Variants in DQX1 observed in about 807,000 individuals in gnomAD.
DQX1 encodes DEAQ-box RNA dependent ATPase 1.
DQX1 carries 66 observed loss-of-function variants against 81.3 expected under a neutral mutation model. That is an observed-to-expected ratio of 0.81 (90% confidence interval 0.67 to 1.00). The LOEUF (loss-of-function observed/expected upper bound fraction) is 1.00, where lower values mean the gene tolerates loss of function less well. DQX1 is among the 50% of genes least tolerant of loss of function. The pLI is 0.00. For missense variants in DQX1, 798 were observed against 867.9 expected, an observed-to-expected ratio of 0.92 and a Z score of 1.01; for synonymous variants, 290 against 350.0, an observed-to-expected ratio of 0.83 and a Z score of 1.91.
Position 74,519,102 on chromosome 2 carries a change from G to A in DQX1, c.1935C>T (p.Tyr645=). Residue 645 remains tyrosine, a synonymous_variant, in exon 11 of 12, where the codon TAC becomes TAT. Transcript: ENST00000404568. ...TGTCTTTGGATATGGTGAAATTGTG[G>A]TAGAGCACCCATGGTGGGGGTCTGG... ...APARPPPWVL[Y]HNFTISKDNC... The A allele has an allele frequency of 1.2e-6, 2 of 1,609,754 alleles. No individual in the cohort carries two copies. Among genetic ancestry groups the A allele is most frequent in the Admixed American group, 1.7e-5 (1 of 58,676 alleles).
chr2:74,524,864 C>G, intron 3 of DQX1, 145 bp downstream of exon 3: 2 of 1,085,908 alleles, frequency 1.8e-6, no homozygotes, highest in Non-Finnish European at 2.6e-6. Flanking sequence ...GCCTGGGTGA[C>G]AGAGTGAGAC....
At chr2:74,520,067 CATTTGG>C (rs1280247422) in intron 8 of DQX1, 33 bp from the exon 9 acceptor site, 1 of 1,600,284 alleles carries the variant, frequency 6.2e-7, no homozygotes, top group Non-Finnish European at 8.5e-7. Flanking sequence ...TAGAATCTGC[CATTTGG>C]GAAATGGGAA....
chr2:74,519,644 A>G lies in DQX1; in HGVS notation c.1718T>C (p.Ile573Thr), dbSNP rs117622212. The G allele has an allele frequency of 1.4e-4, 229 of 1,614,214 alleles. 2 individuals carry two copies. In the East Asian group the frequency reaches 4.9e-3, roughly 35 times the overall value. Residue 573 changes from isoleucine to threonine, a missense_variant, in exon 10 of 12, where the codon ATT (isoleucine) becomes ACT (threonine). Coordinates refer to ENST00000404568, the MANE Select transcript of DQX1 (RefSeq NM_133637.3). ...GGCTGGTAGGGACAAGGGAAGTTCA[A>G]TTCGTTGCATGAGTTCTAGGAGTTC... is the stretch of plus-strand genomic sequence containing the variant. Reference protein sequence around the residue: ...RGELLELMQRIELPLSLPAFG... With the variant: ...RGELLELMQRTELPLSLPAFG...
At chr2:74,522,810 G>T (rs1675063955) in intron 7 of DQX1, 39 bp from the exon 8 acceptor site, 3 of 1,612,566 alleles carry the variant, frequency 1.9e-6, no homozygotes, top group Non-Finnish European at 2.5e-6. Flanking sequence ...TGAAGTTTCA[G>T]AACTGGGTGG....
At position 74,519,189 on chromosome 2, in the gene DQX1, T is replaced by C. The variant is rs139652335; in HGVS notation, c.1848A>G (p.Leu616=). 6.4e-5 allele frequency: 103 copies of C among 1,598,942 alleles called. No homozygotes were observed. Among genetic ancestry groups the C allele is most frequent in the Non-Finnish European group, 8.7e-5 (102 of 1,172,442 alleles). The change falls in exon 11 of 12, where the codon CTA becomes CTG. Residue 616 remains leucine, a synonymous_variant. Transcript: ENST00000404568. ...DTDGTGNYLL[L]THKHVAQLSS... ...AGAGCTGGGCCACATGCTTATGGGT[T>C]AGGAGAAGGTAATTTCCAGTCCCGT...
At position 74,519,565 on chromosome 2, in the gene DQX1, G is replaced by A. The variant is rs1674971465; in HGVS notation, c.1797C>T (p.Tyr599=). The A allele has an allele frequency of 1.2e-6, 2 of 1,613,996 alleles. No homozygotes were observed. Among genetic ancestry groups the A allele is most frequent in the African/African-American group, 1.3e-5 (1 of 74,924 alleles). Residue 599 remains tyrosine, a synonymous_variant, in exon 10 of 12, where the codon TAC becomes TAT. Transcript: ENST00000404568. ...CACCCTTTCCTCTAACCTTGAGAAA[G>A]TATCCTGACACCAGTGCTTTCTGAA... ...RDLQKALVSG[Y]FLKVARDTDG...
Position 74,521,745 on chromosome 2 carries a change from CT to C in DQX1, c.1495+834del, listed in dbSNP as rs200234764. ...TCTCTTTCCCTCTCCCTCTCTCCCC[CT>C]CTCCCCCTCTTTCCCTCTCCCTCTC... On this transcript the variant is annotated intron_variant, in intron 8 of 11. Transcript: ENST00000404568. 4.5e-4 allele frequency among the ~76,000 whole-genome samples: 60 copies of C among 133,942 alleles called. No homozygotes were observed. In the East Asian group the frequency reaches 0.011, roughly 25 times the overall value. The allele number at this position is 133,942 out of a possible 152,430, so 87.9% of individuals were successfully genotyped here.
chr2:74,519,349 A>C, intron 10 of DQX1, 119 bp from the exon 11 acceptor site: 1 of 1,291,858 alleles, frequency 7.7e-7, no homozygotes, highest in South Asian at 1.5e-5. Flanking sequence ...GTAAAGCATT[A>C]CCTCTAGGTG....
chr2:74,521,023 T>C lies in DQX1; in HGVS notation c.1496-989A>G, dbSNP rs116988939. On this transcript the variant is annotated intron_variant, in intron 8 of 11. Transcript: ENST00000404568. ...TCCATGTGTCTGAAAAAGTTCACAT[T>C]ACTAGTTAGGAGGCTACTGAGGAAA... 1.5e-3 allele frequency among the ~76,000 whole-genome samples: 235 copies of C among 152,238 alleles called. 1 individual carries two copies. The East Asian group carries it at 0.03, about 19-fold the overall frequency.
rs989461442 is a variant in DQX1, at chr2:74,524,177, C to A, written c.562G>T (p.Asp188Tyr). 6.8e-6 allele frequency: 11 copies of A among 1,614,106 alleles called. No individual in the cohort carries two copies. The highest frequency in any genetic ancestry group is 1.3e-5 in the African/African-American group (1 of 74,928). ...ASDSLQGLLQ[D>Y]ARLEKLPGDL... is the part of the protein sequence containing the mutation. ...CCCGGAAGTTTTTCCAGCCTGGCATCTTGCAGTAGCCCCTGGAGTGAATCT... is the reference window on the plus strand; with the variant it reads ...CCCGGAAGTTTTTCCAGCCTGGCATATTGCAGTAGCCCCTGGAGTGAATCT... Residue 188 changes from aspartate to tyrosine, a missense_variant, in exon 4 of 12, where the codon GAT becomes TAT. Physicochemically the swap from Asp to Tyr is radical, Grantham distance 160. Coordinates refer to ENST00000404568, the MANE Select transcript of DQX1 (RefSeq NM_133637.3).
Position 74,525,173 on chromosome 2 carries a change from C to T in DQX1, c.267G>A (p.Leu89=). ...CCTGTCCTTTCTGGAACCCTCTGGC[C>T]AGCGCAAACTCTGCACACCACTGAG... ...QIPQWCAEFA[L]ARGFQKGQVT... Residue 89 remains leucine (L), a synonymous_variant, in exon 3 of 12, where the codon CTG becomes CTA. Transcript: ENST00000404568. The surrounding 1 kb of genome is among the most constrained non-coding windows in gnomAD (Gnocchi z 4.1). 6.2e-7 allele frequency: 1 copy of T among 1,601,762 alleles called. No homozygotes were observed. The highest frequency in any genetic ancestry group is 8.5e-7 in the Non-Finnish European group (1 of 1,172,914).
In DQX1 at chr2:74,523,322, C is replaced by T. The variant is rs1215600788; in HGVS notation, c.1032G>A (p.Leu344=). Residue 344 remains leucine, a synonymous_variant, in exon 5 of 12, where the codon CTG becomes CTA. Coordinates refer to ENST00000404568, the MANE Select transcript of DQX1 (RefSeq NM_133637.3). Reference sequence around the variant, plus strand: ...CTCTCTCACTCACACTTCGGAGCTCCAGTCCTGAGTCGATGACATGTTGGA... The same window carrying T: ...CTCTCTCACTCACACTTCGGAGCTCTAGTCCTGAGTCGATGACATGTTGGA... ...PSIQHVIDSG[L]ELRSVYNPRI... is the part of the protein sequence containing the mutation. 3.7e-6 allele frequency: 6 copies of T among 1,614,056 alleles called. No individual in the cohort carries two copies. Among genetic ancestry groups the T allele is most frequent in the Non-Finnish European group, 5.1e-6 (6 of 1,180,030 alleles).
At chr2:74,524,980 A>G in intron 3 of DQX1, 29 bp downstream of exon 3, 2 of 1,591,096 alleles carry the variant, frequency 1.3e-6, no homozygotes, top group Non-Finnish European at 1.7e-6. Context: ...GGGGAATTAT[A>G]TTCGGGTAAG....
At chr2:74,519,373 A>G in intron 10 of DQX1, 143 bp from the exon 11 acceptor site, 1 of 1,239,248 alleles carries the variant, frequency 8.1e-7, no homozygotes, top group Non-Finnish European at 1.1e-6. Context: ...TCTGGTCTCT[A>G]CTATACCTCA....
At position 74,518,251 on chromosome 2, in the gene DQX1, A is replaced by G. The variant is rs906076356; in HGVS notation, c.*195T>C. 1 of 560,678 alleles carries G rather than the reference A, an allele frequency of 1.8e-6. No homozygotes were observed. Among genetic ancestry groups the G allele is most frequent in the Middle Eastern group, 4.7e-4 (1 of 2,122 alleles). 34.7% of individuals were successfully genotyped at this position (560,678 alleles called of 1,614,324 possible). On this transcript the variant is annotated 3_prime_UTR_variant, in exon 12 of 12. Coordinates refer to ENST00000404568, the MANE Select transcript of DQX1 (RefSeq NM_133637.3). ...ATCAATAAGAGAAGGCTAAGGAAAG[A>G]GTCCTTCCCTATGTAGACTGTGGTT...
rs1674942509 is a variant in DQX1 at position 74,518,450 on chromosome 2, T to C, written c.2150A>G (p.Gln717Arg). 5 of 1,614,050 alleles carry C rather than the reference T, an allele frequency of 3.1e-6. No individual in the cohort carries two copies. Among genetic ancestry groups the C allele is most frequent in the African/African-American group, 1.3e-5 (1 of 74,942 alleles). The change falls in exon 12 of 12, where the codon CAG becomes CGG. Residue 717 changes from glutamine (Q) to arginine (R), a missense_variant. Coordinates refer to ENST00000404568, the MANE Select transcript of DQX1 (RefSeq NM_133637.3). ...TCCATTCCATAGGCAGGCAGGTCAC[T>C]GCAGGACACAGGGATCTCTGAACTC... ...AQEFRDPCVL[Q>R]
intron 4 of DQX1, 105 bp downstream of exon 4, chr2:74,523,818 G>T (rs1675102560): frequency 7.1e-7 from 1 of 1,406,786 alleles, no homozygotes; most frequent in Non-Finnish European, 9.4e-7. Flanking sequence ...TTCCTAAGAG[G>T]CATTGCTCCC....
intron 4 of DQX1, 146 bp downstream of exon 4, chr2:74,523,777 C>A (rs945450863): frequency 7.0e-6 from 9 of 1,290,962 alleles, no homozygotes; most frequent in Admixed American, 2.9e-5. Flanking sequence ...CTCTGGGACC[C>A]CAACGGAGAG....
rs754650935 is a variant in DQX1 at position 74,519,727 on chromosome 2, C to T, written c.1635G>A (p.Trp545Ter). 19 of 1,614,064 alleles carry T rather than the reference C, an allele frequency of 1.2e-5. No homozygotes were observed. The African/African-American group carries it at 1.9e-4, about 16-fold the overall frequency. ...AFIQSGADEA[W>*]CQARGLNWAA... ...CCCAATTCAGACCTCGAGCCTGGCACCAAGCCTCATCTGCTCCACCTAGGA... is the reference window on the plus strand; with the variant it reads ...CCCAATTCAGACCTCGAGCCTGGCATCAAGCCTCATCTGCTCCACCTAGGA... Residue 545 changes from tryptophan (W) to a stop codon, truncating the protein, a stop_gained, in exon 10 of 12, where the codon TGG (tryptophan) becomes TGA (stop). Coordinates refer to ENST00000404568, the MANE Select transcript of DQX1 (RefSeq NM_133637.3). LOFTEE classifies it high-confidence loss of function.
Sources: allele counts gnomAD v4.1 joint callset (sites outside exome capture counted in the v4.1 genomes callset), GRCh38; gene constraint gnomAD v4.1.1; non-coding constraint Gnocchi (gnomAD v3.1); transcripts MANE v1.5; gene names NCBI Gene and HGNC (gene_info 2026-07-23, HGNC 2026-07-21).